Variants in ANO4 observed in about 807,000 individuals in gnomAD.
ANO4 encodes anoctamin 4.
ANO4 carries 69 observed loss-of-function variants against 141.9 expected under a neutral mutation model. The observed-to-expected ratio is 0.49, with a 90% CI of 0.40 to 0.59. The LOEUF is 0.59. Ranked by LOEUF, ANO4 falls within the 20% of genes least tolerant of loss-of-function variation. The pLI, the probability that ANO4 is intolerant of heterozygous loss-of-function variation, is 0.00. For synonymous variants in ANO4, 350 were observed against 394.3 expected, an observed-to-expected ratio of 0.89 and a Z score of 1.33; for missense variants, 894 against 1,162.2, an observed-to-expected ratio of 0.77 and a Z score of 3.36.
chr12:100,937,762 G>C (rs2042345325), intron 3 of ANO4, among the ~76,000 whole-genome samples: 1 of 152,132 alleles, frequency 6.6e-6, no homozygotes, highest in African/African-American at 2.4e-5. Flanking sequence ...GGGAGAATCT[G>C]CTTTTTTGTC....
chr12:100,804,904 C>T lies in ANO4; in HGVS notation c.-141+9877C>T, dbSNP rs537334219. Among the ~76,000 whole-genome samples, 3 of 152,092 alleles carry T rather than the reference C, an allele frequency of 2.0e-5. No homozygotes were observed. In the East Asian group the frequency reaches 5.8e-4, roughly 29 times the overall value. On this transcript the variant is annotated intron_variant, in intron 1 of 27. Coordinates refer to ENST00000392977, the MANE Select transcript of ANO4 (RefSeq NM_001286615.2). ...AATTTTCTCCCATTCTGTAGGTTGT[C>T]TGTTTGCTCTGATGATAGTTTATTT...
At chr12:100,924,806 A>G (rs998004414) in intron 3 of ANO4, among the ~76,000 whole-genome samples, 3 of 152,068 alleles carry the variant, frequency 2.0e-5, no homozygotes, top group Non-Finnish European at 2.9e-5. Context: ...ACTTAAATTT[A>G]AGGAGTGGGG....
intron 3 of ANO4, among the ~76,000 whole-genome samples, chr12:100,785,786 A>C (rs1241234760): frequency 1.3e-5 from 2 of 152,182 alleles, no homozygotes; most frequent in African/African-American, 2.4e-5. Context: ...CTGGATCGTA[A>C]GGTAAGAGTA....
At chr12:100,905,622 G>A (rs1418961639) in intron 2 of ANO4, among the ~76,000 whole-genome samples, 1 of 152,178 alleles carries the variant, frequency 6.6e-6, no homozygotes, top group Non-Finnish European at 1.5e-5. Flanking sequence ...AGGGAGATGA[G>A]AGGATATAAA....
At chr12:100,774,721 C>T (rs1177749989) in intron 3 of ANO4, among the ~76,000 whole-genome samples, 6 of 152,044 alleles carry the variant, frequency 3.9e-5, no homozygotes, top group Admixed American at 3.3e-4. Flanking sequence ...CAAACAAAAA[C>T]GAGATGGCCA....
At chr12:101,022,229 T>C (rs1203615104) in intron 9 of ANO4, among the ~76,000 whole-genome samples, 1 of 152,214 alleles carries the variant, frequency 6.6e-6, no homozygotes, top group Admixed American at 6.5e-5. Flanking sequence ...TGATGGATTT[T>C]AGTTAAACAC....
chr12:101,103,284 T>C (rs2050284896), intron 22 of ANO4, among the ~76,000 whole-genome samples: 2 of 146,418 alleles, frequency 1.4e-5, no homozygotes, highest in Non-Finnish European at 3.0e-5. Flanking sequence ...CTGGATAAAA[T>C]TGATGATACT....
At chr12:101,086,165 A>C (rs1270031453) in intron 16 of ANO4, among the ~76,000 whole-genome samples, 1 of 150,346 alleles carries the variant, frequency 6.7e-6, no homozygotes, top group Non-Finnish European at 1.5e-5. Context: ...CAGGCAAAGG[A>C]AATAGTCTTG....
At position 100,980,261 on chromosome 12, in the gene ANO4, A is replaced by G. The variant is rs558428079; in HGVS notation, c.602+5372A>G. ...AAATAGGCTTCATTGCATACCACAT[A>G]GAATTAAGTCTTTGATATCACTGGG... On this transcript the variant is annotated intron_variant, in intron 7 of 27. Transcript: ENST00000392977. Among the ~76,000 whole-genome samples, 13 of 152,354 alleles carry G rather than the reference A, an allele frequency of 8.5e-5. No homozygotes were observed. The South Asian group carries it at 2.5e-3, about 29-fold the overall frequency.
At chr12:100,879,122 A>G (rs75819593) in intron 1 of ANO4, among the ~76,000 whole-genome samples, 2,641 of 152,308 alleles carry the variant, frequency 0.017, 75 homozygotes, top group African/African-American at 0.06. Flanking sequence ...AGCTTGCTTG[A>G]TATCAGTGTG....
intron 14 of ANO4, 112 bp downstream of exon 14, chr12:101,048,513 G>A (rs1342387962): frequency 9.7e-6 from 9 of 928,672 alleles, no homozygotes; most frequent in Non-Finnish European, 1.5e-5. Flanking sequence ...AATGGAATTA[G>A]CTTTCCTATT....
At chr12:100,862,671 C>T (rs1277623736) in intron 1 of ANO4, among the ~76,000 whole-genome samples, 2 of 152,146 alleles carry the variant, frequency 1.3e-5, no homozygotes, top group African/African-American at 4.8e-5. Flanking sequence ...GTGTGTGCTA[C>T]ACTTTTATGC....
intron 7 of ANO4, among the ~76,000 whole-genome samples, chr12:100,980,171 ACT>A (rs1394935448): frequency 3.9e-5 from 6 of 152,084 alleles, no homozygotes; most frequent in African/African-American, 1.4e-4. Flanking sequence ...GTACTGGAAG[ACT>A]CTGGGCCAAG....
At chr12:100,786,763 G>C (rs2033886830) in intron 3 of ANO4, among the ~76,000 whole-genome samples, 1 of 152,182 alleles carries the variant, frequency 6.6e-6, no homozygotes, top group Non-Finnish European at 1.5e-5. Context: ...ATTAATGCCT[G>C]TGGTGTTTTA....
At chr12:100,792,091 A>T (rs1169032288), upstream of ANO4, among the ~76,000 whole-genome samples, 2 of 145,614 alleles carry the variant, frequency 1.4e-5, no homozygotes, top group Non-Finnish European at 3.0e-5. Flanking sequence ...TCTGGAAAAT[A>T]GTCATATTTT....
In ANO4 at chr12:100,987,670, A is replaced by C; in HGVS notation, c.734A>C (p.His245Pro). The stretch of plus-strand genomic sequence containing the variant: ...CCTTTCAGCCAGCAAAGGATCCATC[A>C]GTGAGTGTTCCATGTTAAAGCCCCA... ...TAPFSQQRIH[H>P]FIIHNKETFF... Residue 245 changes from histidine (H) to proline (P), a missense_variant and splice_region_variant, in exon 8 of 28, where the codon CAC becomes CCC. By Grantham distance (77) the His-to-Pro change is moderately conservative. Around this residue, in one of 2 missense-constraint regions of ANO4, gnomAD observed 637 missense variants for 909.2 expected, o/e 0.70. Coordinates refer to ENST00000392977, the MANE Select transcript of ANO4 (RefSeq NM_001286615.2). The C allele has an allele frequency of 6.2e-7, 1 of 1,613,808 alleles. No individual in the cohort carries two copies. Among genetic ancestry groups the C allele is most frequent in the Non-Finnish European group, 8.5e-7 (1 of 1,179,882 alleles).
At chr12:101,121,544 A>ATGAG (rs918826257) in intron 26 of ANO4, among the ~76,000 whole-genome samples, 1 of 152,126 alleles carries the variant, frequency 6.6e-6, no homozygotes, top group Non-Finnish European at 1.5e-5. Context: ...TGATTGACAT[A>ATGAG]TGAGTACATG....
chr12:100,926,730 A>T lies in ANO4; in HGVS notation c.160+4400A>T, dbSNP rs77297586. ...CAGGTACCTTGAACTCCTTTGTTTC[A>T]GCAGAGTTTTGTGTTAACTAAAGTT... On this transcript the variant is annotated intron_variant, in intron 3 of 27. Coordinates refer to ENST00000392977, the MANE Select transcript of ANO4 (RefSeq NM_001286615.2). 7.6e-3 allele frequency among the ~76,000 whole-genome samples: 1,163 copies of T among 152,040 alleles called. 15 individuals carry two copies. The highest frequency in any genetic ancestry group is 0.026 in the African/African-American group (1,099 of 41,476).
intron 3 of ANO4, among the ~76,000 whole-genome samples, chr12:100,778,913 C>T (rs2033623482): frequency 6.6e-6 from 1 of 152,162 alleles, no homozygotes; most frequent in Non-Finnish European, 1.5e-5. Context: ...TTCACTAACA[C>T]ACTCATATCT....
Sources: gnomAD v4.1 joint callset for allele counts (sites outside exome capture counted in the v4.1 genomes callset) on GRCh38, gnomAD v4.1.1 for gene constraint, gnomAD v4.1.1 regional missense constraint, MANE v1.5 for transcripts, NCBI Gene and HGNC (gene_info 2026-07-23, HGNC 2026-07-21) for gene names.